Variants in PLEKHA5 observed in about 807,000 individuals in gnomAD.
PLEKHA5 encodes pleckstrin homology domain containing A5.
PLEKHA5 carries 55 observed loss-of-function variants against 181.9 expected under a neutral mutation model. The observed-to-expected ratio is 0.30, with a 90% CI of 0.24 to 0.38. PLEKHA5 has a LOEUF of 0.38. Ranked by LOEUF, PLEKHA5 falls within the 10% of genes least tolerant of loss-of-function variation. PLEKHA5 has a pLI of 1.00. For missense variants in PLEKHA5, 1,432 were observed against 1,549.5 expected, an observed-to-expected ratio of 0.92 and a Z score of 1.27; for synonymous variants, 535 against 529.4, an observed-to-expected ratio of 1.01 and a Z score of -0.15.
chr12:19,323,350 C>G (rs1290154544), intron 20 of PLEKHA5, among the ~76,000 whole-genome samples: 1 of 151,738 alleles, frequency 6.6e-6, no homozygotes, highest in Non-Finnish European at 1.5e-5. Flanking sequence ...TGGTGAAAAC[C>G]CATCTCTACT....
In PLEKHA5 at chr12:19,196,523, C is replaced by G. The variant is rs575203273; in HGVS notation, c.228-57417C>G. Among the ~76,000 whole-genome samples, 4 of 152,288 alleles carry G rather than the reference C, an allele frequency of 2.6e-5. No individual in the cohort carries two copies. In the South Asian group the frequency reaches 8.3e-4, roughly 32 times the overall value. Reference sequence around the variant, plus strand: ...AAGAAAACCTACCCCTATGTGATCTCTTGTTCTGAGCAGGTGTGAATAAAA... The same window carrying G: ...AAGAAAACCTACCCCTATGTGATCTGTTGTTCTGAGCAGGTGTGAATAAAA... On this transcript the variant is annotated intron_variant, in intron 3 of 31. Transcript: ENST00000429027.
intron 3 of PLEKHA5, among the ~76,000 whole-genome samples, chr12:19,198,756 A>AG (rs386375793): frequency 0.019 from 1 of 52 alleles, no homozygotes; most frequent in East Asian, 0.17. Context: ...GCAGAGTGGG[A>AG]AAAAAAGTGA....
At chr12:19,242,869 C>T (rs2062932145) in intron 3 of PLEKHA5, among the ~76,000 whole-genome samples, 1 of 152,036 alleles carries the variant, frequency 6.6e-6, no homozygotes, top group Non-Finnish European at 1.5e-5. Flanking sequence ...TTCTTTGATA[C>T]CTGTAATGGT....
At chr12:19,276,091 G>C (rs1356205161) in intron 11 of PLEKHA5, among the ~76,000 whole-genome samples, 1 of 152,122 alleles carries the variant, frequency 6.6e-6, no homozygotes, top group Non-Finnish European at 1.5e-5. Flanking sequence ...GTGATACGAA[G>C]AATAACATGC....
intron 25 of PLEKHA5, among the ~76,000 whole-genome samples, chr12:19,349,576 G>A (rs759124932): frequency 4.0e-5 from 6 of 151,896 alleles, no homozygotes; most frequent in Non-Finnish European, 8.8e-5. Flanking sequence ...AGGCAATTGC[G>A]TAAAGAAAAG....
chr12:19,285,183 A>G (rs1592323145), intron 12 of PLEKHA5, among the ~76,000 whole-genome samples: 1 of 152,186 alleles, frequency 6.6e-6, no homozygotes, highest in African/African-American at 2.4e-5. Flanking sequence ...ACTTTTTCCA[A>G]AGACTAAATC....
At position 19,269,809 on chromosome 12, in the gene PLEKHA5, G is replaced by A. The variant is rs745632900; in HGVS notation, c.751G>A (p.Asp251Asn). ...PNMRTYYFCT[D>N]TGKEMELWMK... ...CATGCGGACCTATTATTTCTGCACTGATACAGGAAAGGAAATGGAGTTGTG... is the reference window on the plus strand; with the variant it reads ...CATGCGGACCTATTATTTCTGCACTAATACAGGAAAGGAAATGGAGTTGTG... Residue 251 changes from aspartate (D) to asparagine (N), a missense_variant, in exon 9 of 32, where the codon GAT (aspartate) becomes AAT (asparagine). This residue lies in a region of PLEKHA5 where 289 missense variants were observed against 381.1 expected (regional missense o/e 0.76). Transcript: ENST00000429027. 6.2e-7 allele frequency: 1 copy of A among 1,610,290 alleles called. No individual in the cohort carries two copies. The highest frequency in any genetic ancestry group is 8.5e-7 in the Non-Finnish European group (1 of 1,176,722).
At chr12:19,327,104 A>C (rs1002072839) in intron 20 of PLEKHA5, among the ~76,000 whole-genome samples, 1 of 152,190 alleles carries the variant, frequency 6.6e-6, no homozygotes, top group Non-Finnish European at 1.5e-5. Flanking sequence ...AGTCAATGCA[A>C]TTGCTTGGTC....
chr12:19,152,248 C>G (rs957368577), intron 3 of PLEKHA5: 1 of 152,086 alleles, frequency 6.6e-6, no homozygotes, highest in Non-Finnish European at 1.5e-5. Flanking sequence ...TTTGAAAGTT[C>G]AAACTGTGTG....
intron 15 of PLEKHA5, among the ~76,000 whole-genome samples, chr12:19,298,088 A>G (rs2080388729): frequency 1.3e-5 from 2 of 152,188 alleles, no homozygotes; most frequent in South Asian, 2.1e-4. Context: ...ACCACCCGCT[A>G]CTTGGCAGGC....
chr12:19,160,294 C>G (rs1411529642), intron 3 of PLEKHA5, among the ~76,000 whole-genome samples: 1 of 151,978 alleles, frequency 6.6e-6, no homozygotes, highest in African/African-American at 2.4e-5. Context: ...TCTTCATCAT[C>G]ATCATCATCT....
chr12:19,272,953 CTGGAGTG>C (rs1301184018), intron 10 of PLEKHA5, among the ~76,000 whole-genome samples: 2 of 152,186 alleles, frequency 1.3e-5, no homozygotes, highest in Non-Finnish European at 2.9e-5. Flanking sequence ...GTCGCCCAGG[CTGGAGTG>C]CAGTGGCACG....
At position 19,283,765 on chromosome 12, in the gene PLEKHA5, T is replaced by A. The variant is rs758134225; in HGVS notation, c.1779+20T>A. ...CCTAAGGTAAAATAGCTGCTGATTT[T>A]GTGTTAACTCACTACCTTATAAATG... is the stretch of plus-strand genomic sequence containing the variant. On this transcript the variant is annotated intron_variant, in intron 12 of 31. Transcript: ENST00000429027. 6.8e-7 allele frequency: 1 copy of A among 1,481,304 alleles called. No homozygotes were observed. Among genetic ancestry groups the A allele is most frequent in the African/African-American group, 1.4e-5 (1 of 72,446 alleles). 91.8% of individuals were successfully genotyped at this position (1,481,304 alleles called of 1,614,324 possible). A position where few individuals can be genotyped will look rare whatever the true frequency, so the allele number is the denominator to read the frequency against.
At chr12:19,320,674 C>CA in intron 18 of PLEKHA5, 50 bp downstream of exon 18, 1 of 808,590 alleles carries the variant, frequency 1.2e-6, no homozygotes, top group South Asian at 2.1e-5. Context: ...TATTCTCCGC[C>CA]AAAAACACTG....
At chr12:19,216,310 C>T (rs903229969) in intron 3 of PLEKHA5, among the ~76,000 whole-genome samples, 1 of 152,078 alleles carries the variant, frequency 6.6e-6, no homozygotes, top group South Asian at 2.1e-4. Context: ...TAACATTGAA[C>T]TCATCTTAAT....
chr12:19,196,188 T>C (rs953601365), intron 3 of PLEKHA5, among the ~76,000 whole-genome samples: 3 of 152,224 alleles, frequency 2.0e-5, no homozygotes, highest in Non-Finnish European at 4.4e-5. Flanking sequence ...TCTTCCTTTC[T>C]CAGTTGTCAA....
chr12:19,261,175 C>G (rs1488501865), intron 7 of PLEKHA5, among the ~76,000 whole-genome samples, 154 bp downstream of exon 7: 1 of 152,062 alleles, frequency 6.6e-6, no homozygotes, highest in African/African-American at 2.4e-5. Flanking sequence ...ACATATCATT[C>G]TGAGTTTTGG....
intron 3 of PLEKHA5, among the ~76,000 whole-genome samples, chr12:19,184,843 A>C (rs1438210021): frequency 6.6e-6 from 1 of 152,196 alleles, no homozygotes; most frequent in East Asian, 1.9e-4. Context: ...AGGAGAGGAC[A>C]CTGGGGAATA....
Position 19,273,684 on chromosome 12 carries a change from AC to A in PLEKHA5, c.846-831del, listed in dbSNP as rs1458850397. 2.6e-5 allele frequency among the ~76,000 whole-genome samples: 4 copies of A among 152,320 alleles called. No homozygotes were observed. The East Asian group carries it at 7.7e-4, about 29-fold the overall frequency. ...ATGGCAACTAGAATAGTGAGCAAGT[AC>A]AACTGTCGAGTGACCTAGACACATG... On this transcript the variant is annotated intron_variant, in intron 10 of 31. Transcript: ENST00000429027.
Sources: allele counts gnomAD v4.1 joint callset (sites outside exome capture counted in the v4.1 genomes callset), GRCh38; gene constraint gnomAD v4.1.1; regional missense constraint gnomAD v4.1.1; transcripts MANE v1.5; gene names NCBI Gene and HGNC (gene_info 2026-07-23, HGNC 2026-07-21).